RANBP2: variants seen among roughly 807,000 people sequenced by gnomAD.
RANBP2 encodes the protein RAN binding protein 2.
In RANBP2, 57 loss-of-function variants were observed where a neutral mutation model predicts 303.6. The ratio of observed to expected loss-of-function variants is 0.19; its 90% CI spans 0.15 to 0.23. RANBP2 has a LOEUF of 0.23. Among genes scored for constraint, RANBP2 ranks in the 10% least tolerant of loss-of-function variants. RANBP2 has a pLI of 1.00. For synonymous variants in RANBP2, 1,167 were observed against 1,301.5 expected, an observed-to-expected ratio of 0.90 and a Z score of 2.23; for missense variants, 3,138 against 3,780.8, an observed-to-expected ratio of 0.83 and a Z score of 4.46.
the RANBP2 span, among the ~76,000 whole-genome samples, chr2:109,270,787 C>T: frequency 6.6e-6 from 1 of 152,180 alleles, no homozygotes; most frequent in Non-Finnish European, 1.5e-5. Context: ...GCCAGGCATA[C>T]CTGCCCATGG....
At chr2:109,140,044 C>G in the RANBP2 span, among the ~76,000 whole-genome samples, 1 of 152,192 alleles carries the variant, frequency 6.6e-6, no homozygotes, top group Non-Finnish European at 1.5e-5. Context: ...ACATAACTCA[C>G]ATGACAAGGC....
chr2:108,959,883 C>T, the RANBP2 span, among the ~76,000 whole-genome samples: 1 of 152,152 alleles, frequency 6.6e-6, no homozygotes, highest in African/African-American at 2.4e-5. Context: ...CAAGCACACA[C>T]ATATCCAAGT....
chr2:109,374,229 T>C, the RANBP2 span, among the ~76,000 whole-genome samples: 1 of 152,168 alleles, frequency 6.6e-6, no homozygotes, highest in Non-Finnish European at 1.5e-5. Flanking sequence ...CCAAGCATCC[T>C]TGGGCAGGGG....
chr2:109,237,715 A>G, the RANBP2 span, among the ~76,000 whole-genome samples: 1 of 152,194 alleles, frequency 6.6e-6, no homozygotes, highest in Admixed American at 6.5e-5. Context: ...GGACACTCCT[A>G]CTTTTAAATG....
the RANBP2 span, among the ~76,000 whole-genome samples, chr2:108,926,407 C>A: frequency 6.6e-6 from 1 of 152,220 alleles, no homozygotes; most frequent in Non-Finnish European, 1.5e-5. Context: ...GACTTTCTCT[C>A]AGTCAATAGG....
At chr2:109,113,816 C>T in the RANBP2 span, among the ~76,000 whole-genome samples, 5 of 152,124 alleles carry the variant, frequency 3.3e-5, no homozygotes, top group Non-Finnish European at 5.9e-5. Context: ...CCCATCAATA[C>T]CTAATTTATT....
the RANBP2 span, among the ~76,000 whole-genome samples, chr2:109,131,164 A>G: frequency 1.3e-5 from 2 of 152,220 alleles, no homozygotes; most frequent in African/African-American, 2.4e-5. Context: ...TGGATTAGGC[A>G]GTACTGCAAA....
At chr2:109,159,202 G>T in the RANBP2 span, among the ~76,000 whole-genome samples, 13 of 152,204 alleles carry the variant, frequency 8.5e-5, no homozygotes, top group African/African-American at 3.1e-4. Context: ...GAGCCGTGGT[G>T]CCAGGCTCTG....
the RANBP2 span, among the ~76,000 whole-genome samples, chr2:109,727,983 T>C: frequency 9.8e-5 from 15 of 152,288 alleles, no homozygotes; most frequent in Non-Finnish European, 5.9e-5. Context: ...AACTTTGTGC[T>C]CTGTAGACCA....
At chr2:108,935,230 A>T in the RANBP2 span, among the ~76,000 whole-genome samples, 1 of 152,128 alleles carries the variant, frequency 6.6e-6, no homozygotes, top group Non-Finnish European at 1.5e-5. Context: ...TAGAATGATG[A>T]CACAGCTGTA....
chr2:109,228,888 A>T, the RANBP2 span, among the ~76,000 whole-genome samples: 1 of 152,190 alleles, frequency 6.6e-6, no homozygotes, highest in South Asian at 2.1e-4. Flanking sequence ...TTGGTTATCA[A>T]CACAATATCC....
At chr2:109,103,225 T>C in the RANBP2 span, among the ~76,000 whole-genome samples, 7 of 152,208 alleles carry the variant, frequency 4.6e-5, no homozygotes, top group African/African-American at 1.2e-4. Context: ...ACTACCGTGA[T>C]GGTGTTGATG....
the RANBP2 span, among the ~76,000 whole-genome samples, chr2:109,212,345 C>T: frequency 8.5e-5 from 13 of 152,270 alleles, no homozygotes; most frequent in South Asian, 2.3e-3. Flanking sequence ...ACCATGTTGT[C>T]GGGAAAGTAG....
the RANBP2 span, among the ~76,000 whole-genome samples, chr2:109,139,526 G>A: frequency 2.7e-3 from 407 of 152,156 alleles, no homozygotes; most frequent in African/African-American, 9.3e-3. Context: ...TATAGCAGAG[G>A]GAAAACTTCC....
the RANBP2 span, among the ~76,000 whole-genome samples, chr2:109,341,378 T>G: frequency 6.6e-6 from 1 of 152,248 alleles, no homozygotes; most frequent in African/African-American, 2.4e-5. Context: ...GGCCAAGAGT[T>G]GTGCCTTTTC....
chr2:109,361,739 G>T, the RANBP2 span, among the ~76,000 whole-genome samples: 1 of 152,126 alleles, frequency 6.6e-6, no homozygotes, highest in African/African-American at 2.4e-5. Context: ...GCCTCCCAAA[G>T]TGTTATTCAG....
chr2:108,930,955 AC>A, the RANBP2 span: 1 of 1,613,724 alleles, frequency 6.2e-7, no homozygotes, highest in Non-Finnish European at 8.5e-7. Context: ...AGGGGCTCAG[AC>A]CACTTACCAC....
chr2:109,129,568 G>C, the RANBP2 span: 1 of 1,487,028 alleles, frequency 6.7e-7, no homozygotes, highest in African/African-American at 1.5e-5. Context: ...CTGGCTGTGC[G>C]CATCCAAGGC....
At chr2:109,048,208 T>G in the RANBP2 span, among the ~76,000 whole-genome samples, 2 of 152,266 alleles carry the variant, frequency 1.3e-5, no homozygotes, top group African/African-American at 2.4e-5. Context: ...GTAAATGTAA[T>G]TGCTGCAGCT....
Sources: allele counts gnomAD v4.1 joint callset (sites outside exome capture counted in the v4.1 genomes callset), GRCh38; gene constraint gnomAD v4.1.1; transcripts MANE v1.5; gene names NCBI Gene and HGNC (gene_info 2026-07-23, HGNC 2026-07-21).